Variants in SH3GL2 observed in about 807,000 individuals in gnomAD.
SH3GL2 encodes the protein endophilin-A1.
Under a neutral mutation model 46.0 loss-of-function variants are expected in SH3GL2, and 24 were observed. The ratio of observed to expected loss-of-function variants is 0.52; its 90% CI spans 0.38 to 0.73. The LOEUF is 0.73. SH3GL2 is among the 30% of genes least tolerant of loss of function. The pLI, the probability that SH3GL2 is intolerant of heterozygous loss-of-function variation, is 0.00. For missense variants in SH3GL2, 413 were observed against 424.2 expected, an observed-to-expected ratio of 0.97 and a Z score of 0.23; for synonymous variants, 196 against 147.1, an observed-to-expected ratio of 1.33 and a Z score of -2.40.
At chr9:17,728,311 A>G (rs921972783) in intron 1 of SH3GL2, among the ~76,000 whole-genome samples, 1 of 152,084 alleles carries the variant, frequency 6.6e-6, no homozygotes, top group African/African-American at 2.4e-5. Flanking sequence ...AATAGAAAAG[A>G]TGAAGTACCA....
chr9:17,684,342 A>G (rs1024688661), intron 1 of SH3GL2, among the ~76,000 whole-genome samples: 1 of 152,128 alleles, frequency 6.6e-6, no homozygotes, highest in African/African-American at 2.4e-5. Context: ...ATGCAGTTAA[A>G]GAAATAATCA....
Position 17,755,941 on chromosome 9 carries a change from G to C in SH3GL2, c.115-5496G>C, listed in dbSNP as rs994692070. The stretch of plus-strand genomic sequence containing the variant: ...ACTGAGACAGCTGGTGAAATAATCA[G>C]TATCATCTATAGATTCAGCATGGCA... On this transcript the variant is annotated intron_variant, in intron 2 of 8. Coordinates refer to ENST00000380607, the MANE Select transcript of SH3GL2 (RefSeq NM_003026.5). 9.2e-5 allele frequency: 16 copies of C among 173,750 alleles called. 1 individual carries two copies. Among genetic ancestry groups the C allele is most frequent in the Non-Finnish European group, 1.7e-4 (15 of 87,932 alleles). The allele number at this position is 173,750 out of a possible 1,614,324, so 10.8% of individuals were successfully genotyped here.
At chr9:17,673,125 G>A (rs1361796113) in intron 1 of SH3GL2, among the ~76,000 whole-genome samples, 1 of 151,644 alleles carries the variant, frequency 6.6e-6, no homozygotes, top group Non-Finnish European at 1.5e-5. Flanking sequence ...TCTACTCTTA[G>A]AGTCTCTCAC....
chr9:17,780,481 A>T lies in SH3GL2; in HGVS notation c.188-5900A>T, dbSNP rs13284557. Among the ~76,000 whole-genome samples, 784 of 84,780 alleles carry T rather than the reference A, an allele frequency of 9.2e-3. 8 individuals carry two copies. Among genetic ancestry groups the T allele is most frequent in the African/African-American group, 0.029 (744 of 26,086 alleles). 55.6% of individuals were successfully genotyped at this position (84,780 alleles called of 152,430 possible). A position where few individuals can be genotyped will look rare whatever the true frequency, so the allele number is the denominator to read the frequency against. Reference sequence around the variant, plus strand: ...TTTGAATAGCACAGTTTTTTTTTTTAATTTTTTTTTTATTATACTCTAAGT... The same window carrying T: ...TTTGAATAGCACAGTTTTTTTTTTTTATTTTTTTTTTATTATACTCTAAGT... On this transcript the variant is annotated intron_variant, in intron 3 of 8. Transcript: ENST00000380607.
intron 1 of SH3GL2, among the ~76,000 whole-genome samples, chr9:17,598,678 C>A (rs1016808877): frequency 6.6e-6 from 1 of 152,188 alleles, no homozygotes; most frequent in Non-Finnish European, 1.5e-5. Flanking sequence ...CCTTTTATTA[C>A]ATTCACCATG....
At chr9:17,739,884 A>C (rs1563834394) in intron 1 of SH3GL2, among the ~76,000 whole-genome samples, 1 of 152,112 alleles carries the variant, frequency 6.6e-6, no homozygotes. Context: ...CCAGTGAACC[A>C]CACCAGAAAC....
At chr9:17,743,760 A>G (rs1822600978) in intron 1 of SH3GL2, among the ~76,000 whole-genome samples, 1 of 152,226 alleles carries the variant, frequency 6.6e-6, no homozygotes, top group Admixed American at 6.5e-5. Flanking sequence ...AAGAGGGGAA[A>G]TTAAAATCAC....
rs1255566594 is a variant in SH3GL2 at position 17,761,463 on chromosome 9, G to A, written c.141G>A (p.Val47=). The change falls in exon 3 of 9, where the codon GTG becomes GTA. Residue 47 remains valine (V), a synonymous_variant. Transcript: ENST00000380607. ...AAGTGGATGTCACCAGCAGGGCTGT[G>A]ATGGAAATAATGACTAAAACAATTG... ...ERKVDVTSRA[V]MEIMTKTIEY... is the part of the protein sequence containing the mutation. 4.4e-6 allele frequency: 7 copies of A among 1,608,998 alleles called. No homozygotes were observed. Among genetic ancestry groups the A allele is most frequent in the Non-Finnish European group, 6.0e-6 (7 of 1,175,276 alleles).
At chr9:17,677,737 G>A (rs926521980) in intron 1 of SH3GL2, among the ~76,000 whole-genome samples, 3 of 151,756 alleles carry the variant, frequency 2.0e-5, no homozygotes, top group Admixed American at 6.6e-5. Context: ...CCATTAACTC[G>A]TCATTTGCAT....
chr9:17,591,635 G>A (rs1287332796), intron 1 of SH3GL2, among the ~76,000 whole-genome samples: 1 of 152,188 alleles, frequency 6.6e-6, no homozygotes, highest in East Asian at 1.9e-4. Flanking sequence ...ATTGTGTAGT[G>A]CTGAGAGCAC....
chr9:17,666,421 C>G (rs923200075), intron 1 of SH3GL2, among the ~76,000 whole-genome samples: 1 of 152,006 alleles, frequency 6.6e-6, no homozygotes, highest in African/African-American at 2.4e-5. Flanking sequence ...AGCTCCCACC[C>G]TAGTTCCTGT....
intron 3 of SH3GL2, among the ~76,000 whole-genome samples, chr9:17,785,231 C>G (rs953895925): frequency 6.6e-6 from 1 of 152,138 alleles, no homozygotes; most frequent in Non-Finnish European, 1.5e-5. Context: ...ATATCTGGGA[C>G]TCTCCTCAAT....
intron 1 of SH3GL2, among the ~76,000 whole-genome samples, chr9:17,662,153 C>T (rs147621393): frequency 1.3e-5 from 2 of 152,178 alleles, no homozygotes; most frequent in African/African-American, 2.4e-5. Flanking sequence ...TCAGTTAGAT[C>T]CTGTTGGTTG....
At chr9:17,771,710 C>T (rs1823485490) in intron 3 of SH3GL2, among the ~76,000 whole-genome samples, 1 of 152,174 alleles carries the variant, frequency 6.6e-6, no homozygotes, top group Admixed American at 6.5e-5. Flanking sequence ...ATGTTTGCTG[C>T]CCCATGTCAC....
At chr9:17,680,907 C>T (rs554817293) in intron 1 of SH3GL2, among the ~76,000 whole-genome samples, 12 of 152,092 alleles carry the variant, frequency 7.9e-5, no homozygotes, top group Non-Finnish European at 1.2e-4. Context: ...CATTCAGGAG[C>T]AGGTTGTTCA....
intron 1 of SH3GL2, among the ~76,000 whole-genome samples, chr9:17,698,706 G>T (rs969242153): frequency 6.6e-6 from 1 of 152,164 alleles, no homozygotes; most frequent in African/African-American, 2.4e-5. Context: ...TTCTGCTTAT[G>T]CAGAAGAGGT....
chr9:17,735,907 T>C (rs1536066), intron 1 of SH3GL2: 103,586 of 183,870 alleles, frequency 0.56, 29,368 homozygotes, highest in African/African-American at 0.62. Flanking sequence ...GTGGGGGCAG[T>C]GGACAAGTAC....
At chr9:17,640,433 A>G (rs1819650508) in intron 1 of SH3GL2, among the ~76,000 whole-genome samples, 1 of 152,118 alleles carries the variant, frequency 6.6e-6, no homozygotes, top group African/African-American at 2.4e-5. Flanking sequence ...TCTACTATGA[A>G]AAGACTGGAC....
intron 1 of SH3GL2, among the ~76,000 whole-genome samples, chr9:17,742,491 G>A (rs1822555178): frequency 6.6e-6 from 1 of 152,122 alleles, no homozygotes; most frequent in Non-Finnish European, 1.5e-5. Context: ...TGAGTTGATT[G>A]TATTATTTAT....
Sources: gnomAD v4.1 joint callset for allele counts (sites outside exome capture counted in the v4.1 genomes callset) on GRCh38, gnomAD v4.1.1 for gene constraint, MANE v1.5 for transcripts, NCBI Gene and HGNC (gene_info 2026-07-23, HGNC 2026-07-21) for gene names.